NGEF: variants seen among roughly 807,000 people sequenced by gnomAD.
NGEF encodes the protein ephexin-1.
Under a neutral mutation model 80.9 loss-of-function variants are expected in NGEF, and 31 were observed. The observed-to-expected ratio is 0.38, with a 90% confidence interval of 0.29 to 0.52. The LOEUF (loss-of-function observed/expected upper bound fraction) is 0.52. Among genes scored for constraint, NGEF ranks in the 20% least tolerant of loss-of-function variants. The pLI, the probability that NGEF is intolerant of heterozygous loss-of-function variation, is 0.84. For missense variants in NGEF, 709 were observed against 926.2 expected (o/e 0.77, Z 3.04); for synonymous variants, 371 against 370.2 (o/e 1.00, Z -0.03).
intron 1 of NGEF, among the ~76,000 whole-genome samples, chr2:232,977,495 C>T (rs1260269966): frequency 2.0e-5 from 3 of 152,184 alleles, no homozygotes; most frequent in Non-Finnish European, 4.4e-5. Context: ...TCAGTGAGGC[C>T]TGCCTGCCGC....
At chr2:232,917,626 C>G (rs754116244) in intron 5 of NGEF, among the ~76,000 whole-genome samples, 2 of 151,522 alleles carry the variant, frequency 1.3e-5, no homozygotes, top group Non-Finnish European at 2.9e-5. Flanking sequence ...CCCGCCACCA[C>G]GCCTGGCTAA....
intron 5 of NGEF, among the ~76,000 whole-genome samples, chr2:232,905,226 C>G (rs548639985): frequency 2.6e-5 from 4 of 152,170 alleles, no homozygotes; most frequent in Admixed American, 6.5e-5. Context: ...CTCAGCCTGC[C>G]GAGTGCCTGC....
intron 1 of NGEF, among the ~76,000 whole-genome samples, chr2:232,983,987 G>T (rs1694487890): frequency 6.6e-6 from 1 of 152,232 alleles, no homozygotes. Context: ...TCATGCAAAA[G>T]TGGGAAGTGG....
In NGEF at chr2:232,905,227, G is replaced by A. The variant is rs562083336; in HGVS notation, c.829-10311C>T. Among the ~76,000 whole-genome samples the A allele has an allele frequency of 5.9e-3, 900 of 152,284 alleles. 8 individuals are homozygous for A. The highest frequency in any genetic ancestry group is 0.021 in the African/African-American group (863 of 41,548). On this transcript the variant is annotated intron_variant, in intron 5 of 14. Coordinates refer to ENST00000264051, the MANE Select transcript of NGEF (RefSeq NM_019850.3). ...CCTGATTGTCCTGCCTCAGCCTGCC[G>A]AGTGCCTGCGATTGCAGGCGCGCGC... is the stretch of plus-strand genomic sequence containing the variant.
chr2:232,974,682 C>T lies in NGEF; in HGVS notation c.209G>A (p.Arg70Lys), dbSNP rs764087400. 8 of 1,614,092 alleles carry T rather than the reference C, an allele frequency of 5.0e-6. No homozygotes were observed. The highest frequency in any genetic ancestry group is 2.7e-5 in the African/African-American group (2 of 74,926). Residue 70 changes from arginine (R) to lysine (K), a missense_variant, in exon 2 of 15, where the codon AGA (arginine) becomes AAA (lysine). Transcript: ENST00000264051. Reference sequence around the variant, plus strand: ...TCTGGCCTTGGCTTTGCTTTTGCGTCTTATGGAGCGATTGAAGATGGAATT... The same window carrying T: ...TCTGGCCTTGGCTTTGCTTTTGCGTTTTATGGAGCGATTGAAGATGGAATT... ...KRNSIFNRSI[R>K]RKSKAKARDN... is the part of the protein sequence containing the mutation.
chr2:232,885,646 C>T (rs950789421), intron 9 of NGEF: 1 of 446,430 alleles, frequency 2.2e-6, no homozygotes, highest in Non-Finnish European at 4.1e-6. Context: ...CGTGAGGCAT[C>T]CCTCCTCCTC....
chr2:232,972,709 C>G (rs1030032133), intron 2 of NGEF, among the ~76,000 whole-genome samples: 6 of 151,468 alleles, frequency 4.0e-5, no homozygotes, highest in Non-Finnish European at 5.9e-5. Context: ...ATCAACCAAG[C>G]CTGCTCCCAC....
At chr2:232,885,507 G>T in intron 9 of NGEF, 138 bp from the exon 10 acceptor site, 1 of 684,724 alleles carries the variant, frequency 1.5e-6, no homozygotes, top group Non-Finnish European at 2.5e-6. Flanking sequence ...TGGCTGGCCA[G>T]TCTCAGTCGG....
intron 1 of NGEF, among the ~76,000 whole-genome samples, chr2:232,994,607 C>T (rs892660780): frequency 3.3e-5 from 5 of 152,056 alleles, no homozygotes; most frequent in Non-Finnish European, 7.4e-5. Context: ...GTGTTGGGAG[C>T]GGGGAGTGGA....
At chr2:232,965,300 G>C (rs1399334416) in intron 3 of NGEF, among the ~76,000 whole-genome samples, 1 of 152,196 alleles carries the variant, frequency 6.6e-6, no homozygotes. Context: ...TGATTTTGCT[G>C]TATGAGAGCA....
intron 5 of NGEF, among the ~76,000 whole-genome samples, chr2:232,898,075 A>G (rs909611540): frequency 2.0e-5 from 3 of 151,998 alleles, no homozygotes; most frequent in Admixed American, 2.0e-4. Flanking sequence ...CCAGTTTCCC[A>G]GAAGCTTCTC....
At chr2:232,995,088 T>A (rs796962141) in intron 1 of NGEF, among the ~76,000 whole-genome samples, 1 of 18,502 alleles carries the variant, frequency 5.4e-5, no homozygotes, top group Non-Finnish European at 1.0e-4. Context: ...ATGTGTACAG[T>A]ATGTATATGT....
intron 1 of NGEF, among the ~76,000 whole-genome samples, chr2:232,978,162 T>G (rs75383151): frequency 6.6e-6 from 1 of 151,426 alleles, no homozygotes; most frequent in East Asian, 1.9e-4. Context: ...CATGAACTTT[T>G]TTTTTTTTTG....
chr2:232,920,614 A>T, intron 4 of NGEF, 29 bp from the exon 5 acceptor site: 1 of 1,506,504 alleles, frequency 6.6e-7, no homozygotes, highest in Admixed American at 2.3e-5. Context: ...AAAAAAGAAA[A>T]GGAAAAGATC....
chr2:232,963,902 ACTC>A (rs1694004866), intron 3 of NGEF, among the ~76,000 whole-genome samples: 1 of 152,148 alleles, frequency 6.6e-6, no homozygotes, highest in South Asian at 2.1e-4. Context: ...TATATAGAGA[ACTC>A]CTACAAATTA....
At chr2:232,931,711 G>A (rs1314135227) in intron 3 of NGEF, among the ~76,000 whole-genome samples, 1 of 152,200 alleles carries the variant, frequency 6.6e-6, no homozygotes, top group Non-Finnish European at 1.5e-5. Flanking sequence ...TGGGCCTGAG[G>A]AAACGGAGAA....
At position 232,878,876 on chromosome 2, in the gene NGEF, G is replaced by T. The variant is rs553597402; in HGVS notation, c.*613C>A. The T allele has an allele frequency of 4.0e-3, 609 of 152,728 alleles. 1 individual carries two copies. Among genetic ancestry groups the T allele is most frequent in the Admixed American group, 0.01 (160 of 15,310 alleles). 9.5% of individuals were successfully genotyped at this position (152,728 alleles called of 1,614,324 possible). ...CATCAGGGAGCCAGAGGCGGGAGGGGTCCCCAGCCAAGCTCTGGCAGGCCT... is the reference window on the plus strand; with the variant it reads ...CATCAGGGAGCCAGAGGCGGGAGGGTTCCCCAGCCAAGCTCTGGCAGGCCT... On this transcript the variant is annotated 3_prime_UTR_variant, in exon 15 of 15. Coordinates refer to ENST00000264051, the MANE Select transcript of NGEF (RefSeq NM_019850.3).
chr2:232,932,776 A>G (rs1377473925), intron 3 of NGEF, among the ~76,000 whole-genome samples: 1 of 151,992 alleles, frequency 6.6e-6, no homozygotes, highest in Non-Finnish European at 1.5e-5. Flanking sequence ...ATGCGTTAGA[A>G]AGAGGGCTTG....
At chr2:232,956,520 C>T (rs953539276) in intron 3 of NGEF, among the ~76,000 whole-genome samples, 2 of 152,134 alleles carry the variant, frequency 1.3e-5, no homozygotes, top group Non-Finnish European at 1.5e-5. Context: ...GTAATCCCAG[C>T]ACTTTGGGAG....
Sources: gnomAD v4.1 joint callset for allele counts (sites outside exome capture counted in the v4.1 genomes callset) on GRCh38, gnomAD v4.1.1 for gene constraint, MANE v1.5 for transcripts, NCBI Gene and HGNC (gene_info 2026-07-23, HGNC 2026-07-21) for gene names.